The following WASHC2C variants were observed in gnomAD, a reference collection of about 807,000 sequenced individuals.
The protein encoded by WASHC2C is WASH complex subunit 2C, also known as Vaccinia Penetration Factor.
WASHC2C carries 73 observed loss-of-function variants against 142.2 expected under a neutral mutation model. The observed-to-expected ratio is 0.51, with a 90% CI of 0.43 to 0.62. WASHC2C has a LOEUF of 0.62. WASHC2C is among the 20% of genes least tolerant of loss of function. The pLI is 0.00. For missense variants in WASHC2C, 969 were observed against 1,531.7 expected, an observed-to-expected ratio of 0.63 and a Z score of 6.13; for synonymous variants, 337 against 565.5, an observed-to-expected ratio of 0.60 and a Z score of 5.73.
At chr10:45,789,561 C>A in intron 29 of WASHC2C, 70 bp downstream of exon 29, 1 of 1,601,664 alleles carries the variant, frequency 6.2e-7, no homozygotes, top group Non-Finnish European at 8.5e-7. Context: ...TTATTTGAGC[C>A]ATAGATTATG....
chr10:45,746,567 A>T (rs782477969), intron 7 of WASHC2C, 33 bp from the exon 8 acceptor site: 18 of 1,611,594 alleles, frequency 1.1e-5, no homozygotes, highest in Non-Finnish European at 1.4e-5. Flanking sequence ...AGTAAAGCCC[A>T]TTTAACAACA....
chr10:45,749,204 GT>G (rs1411328650), intron 8 of WASHC2C, among the ~76,000 whole-genome samples: 1 of 151,924 alleles, frequency 6.6e-6, no homozygotes, highest in Non-Finnish European at 1.5e-5. Flanking sequence ...GGAAGCTGAG[GT>G]GGTTGGATCA....
rs200104009 is a variant in WASHC2C at position 45,787,088 on chromosome 10, C to T, written c.2928C>T (p.Ile976=). ...AALLPTAASQ[I]SEVKPVLPEL... Reference sequence around the variant, plus strand: ...TGCTGCCCACAGCGGCTTCCCAGATCTCTGAAGTAAAGCCTGTTTTGCCAG... The same window carrying T: ...TGCTGCCCACAGCGGCTTCCCAGATTTCTGAAGTAAAGCCTGTTTTGCCAG... Residue 976 remains isoleucine, a synonymous_variant, in exon 28 of 31, where the codon ATC becomes ATT. Transcript: ENST00000623400. The T allele has an allele frequency of 0.035, 55,762 of 1,606,884 alleles. 1,100 individuals carry two copies. Among genetic ancestry groups the T allele is most frequent in the East Asian group, 0.08 (3,580 of 44,770 alleles).
intron 6 of WASHC2C, among the ~76,000 whole-genome samples, chr10:45,744,551 C>T (rs1429791676): frequency 1.1e-4 from 17 of 152,002 alleles, no homozygotes; most frequent in African/African-American, 3.6e-4. Context: ...ATTTCTCAGC[C>T]TTTCTTTGCT....
At chr10:45,784,293 C>CACACACACATATAT (rs1305333868) in intron 23 of WASHC2C, among the ~76,000 whole-genome samples, 2 of 63,660 alleles carry the variant, frequency 3.1e-5, no homozygotes, top group Non-Finnish European at 6.2e-5. Flanking sequence ...TATATATACA[C>CACACACACATATAT]ATATATATAT....
chr10:45,766,191 C>T (rs1218939039), intron 19 of WASHC2C, among the ~76,000 whole-genome samples: 3 of 152,182 alleles, frequency 2.0e-5, no homozygotes, highest in Non-Finnish European at 4.4e-5. Context: ...CAGGAGCCTT[C>T]AGAAAGAAAA....
At chr10:45,771,541 C>T (rs2056589490) in intron 20 of WASHC2C, 1 of 982,708 alleles carries the variant, frequency 1.0e-6, no homozygotes, top group Non-Finnish European at 1.2e-6. Flanking sequence ...CCCCACCCCA[C>T]ACAAGGTCAT....
chr10:45,768,324 G>T (rs1350809170), intron 19 of WASHC2C, among the ~76,000 whole-genome samples: 1 of 151,998 alleles, frequency 6.6e-6, no homozygotes, highest in African/African-American at 2.4e-5. Context: ...ATCTGGTTGG[G>T]GTACAGCCTC....
intron 23 of WASHC2C, among the ~76,000 whole-genome samples, chr10:45,784,217 AAAGCTTGTGCATATATAT>A (rs1554888806): frequency 9.4e-6 from 1 of 106,866 alleles, no homozygotes; most frequent in African/African-American, 3.3e-5. Context: ...GATTATCTCT[AAAGCTTGTGCATATATAT>A]ATATATGTGT....
rs1369386388 is a variant in WASHC2C at position 45,792,473 on chromosome 10, G to T, written c.*73G>T. The T allele has an allele frequency of 1.0e-5, 16 of 1,548,880 alleles. 1 individual carries two copies. The African/African-American group carries it at 2.1e-4, about 20-fold the overall frequency. On this transcript the variant is annotated 3_prime_UTR_variant, in exon 31 of 31. Coordinates refer to ENST00000623400, the MANE Select transcript of WASHC2C (RefSeq NM_001330074.2). ...AGTGATGATATTGTATATGCTCATG[G>T]TCTTAACTGGATTACAAAAAGCAAA...
intron 28 of WASHC2C, 32 bp downstream of exon 28, chr10:45,787,279 T>C: frequency 1.0e-6 from 1 of 992,258 alleles, no homozygotes; most frequent in South Asian, 1.4e-5. Context: ...CCTTGCTCTC[T>C]TCTTTTAACC....
At chr10:45,727,730 G>C (rs181938909) in intron 2 of WASHC2C, among the ~76,000 whole-genome samples, 191 bp downstream of exon 2, 3 of 152,246 alleles carry the variant, frequency 2.0e-5, no homozygotes, top group South Asian at 2.1e-4. Flanking sequence ...GGCAGACCCT[G>C]ACCGTGGCCC....
intron 8 of WASHC2C, among the ~76,000 whole-genome samples, chr10:45,749,836 A>AATATAT (rs1554873239): frequency 2.0e-5 from 2 of 101,780 alleles, no homozygotes; most frequent in Admixed American, 1.1e-4. Context: ...AAAAAAAAAA[A>AATATAT]ATATATATAT....
Position 45,728,867 on chromosome 10 carries a change from A to G in WASHC2C, c.132A>G (p.Leu44=). The G allele has an allele frequency of 6.2e-7, 1 of 1,613,276 alleles. No homozygotes were observed. The highest frequency in any genetic ancestry group is 8.5e-7 in the Non-Finnish European group (1 of 1,179,658). ...SWSLAADAGL[L]QFLQEFSQQT... ...ATGTTTATTTTTTAAAATAGCTACT[A>G]CAGTTTCTACAGGAATTCTCACAGC... Residue 44 remains leucine, a synonymous_variant, in exon 3 of 31, where the codon CTA becomes CTG. Coordinates refer to ENST00000623400, the MANE Select transcript of WASHC2C (RefSeq NM_001330074.2).
At chr10:45,744,697 TAAG>T (rs2134389577) in intron 6 of WASHC2C, 121 bp from the exon 7 acceptor site, 1 of 538,634 alleles carries the variant, frequency 1.9e-6, no homozygotes, top group South Asian at 2.1e-5. Context: ...TCAATTCCAG[TAAG>T]TGGGTATAGA....
intron 10 of WASHC2C, 33 bp downstream of exon 10, chr10:45,750,871 G>A (rs1361461162): frequency 3.2e-6 from 5 of 1,538,708 alleles, no homozygotes; most frequent in Non-Finnish European, 4.4e-6. Context: ...GGGAGTAGGG[G>A]AGGAGTAGTG....
rs1296245445 is a variant in WASHC2C, at chr10:45,792,884, T to G, written c.*484T>G. On this transcript the variant is annotated 3_prime_UTR_variant, in exon 31 of 31. Transcript: ENST00000623400. ...TGAATTCTGAGGGTGCCTCTGCATG[T>G]CCTCCAAGGCAAAGTTTGGCAAACT... 1.2e-4 allele frequency: 57 copies of G among 469,780 alleles called. No individual in the cohort carries two copies. The highest frequency in any genetic ancestry group is 9.6e-4 in the African/African-American group (48 of 50,084). The allele number at this position is 469,780 out of a possible 1,614,324, so 29.1% of individuals were successfully genotyped here.
At position 45,792,911 on chromosome 10, in the gene WASHC2C, T is replaced by TA. The variant is rs2058457785; in HGVS notation, c.*511_*512insA. On this transcript the variant is annotated 3_prime_UTR_variant, in exon 31 of 31. Transcript: ENST00000623400. ...CTCCAAGGCAAAGTTTGGCAAACTGTGGCCCCCCCACTGTCATATTTTGTT... is the reference window on the plus strand; with the variant it reads ...CTCCAAGGCAAAGTTTGGCAAACTGTAGGCCCCCCCACTGTCATATTTTGTT... 2.1e-6 allele frequency: 1 copy of TA among 468,938 alleles called. No homozygotes were observed. The highest frequency in any genetic ancestry group is 4.4e-6 in the Non-Finnish European group (1 of 227,156). The allele number at this position is 468,938 out of a possible 1,614,324, so 29.0% of individuals were successfully genotyped here.
At position 45,757,140 on chromosome 10, in the gene WASHC2C, G is replaced by T. The variant is rs573535488; in HGVS notation, c.1548+1G>T. The T allele has an allele frequency of 6.2e-7, 1 of 1,604,910 alleles. No individual in the cohort carries two copies. Among genetic ancestry groups the T allele is most frequent in the Non-Finnish European group, 8.5e-7 (1 of 1,178,220 alleles). On this transcript the variant is annotated splice_donor_variant, in intron 16 of 30. Transcript: ENST00000623400. LOFTEE classifies it high-confidence loss of function. ...AAATAAAGCAAGAGCAGAAAAAAAG[G>T]TGAGCAGGAGGGAAGACTTAACGCA...
Sources: allele counts gnomAD v4.1 joint callset (sites outside exome capture counted in the v4.1 genomes callset), GRCh38; gene constraint gnomAD v4.1.1; transcripts MANE v1.5; gene names NCBI Gene and HGNC (gene_info 2026-07-23, HGNC 2026-07-21).